PLXDC2: variants seen among roughly 807,000 people sequenced by gnomAD.
PLXDC2 encodes plexin domain containing 2.
A neutral mutation model predicts 68.9 loss-of-function variants in PLXDC2; 40 were observed. That is an observed-to-expected ratio of 0.58 (90% CI 0.45 to 0.76). The LOEUF (loss-of-function observed/expected upper bound fraction) is 0.76, where lower values mean the gene tolerates loss of function less well. Ranked by LOEUF, PLXDC2 falls within the 30% of genes least tolerant of loss-of-function variation. The pLI is 0.00. For synonymous variants in PLXDC2, 243 were observed against 234.2 expected (o/e 1.04, Z -0.34); for missense variants, 644 against 661.9 (o/e 0.97, Z 0.30).
intron 1 of PLXDC2, among the ~76,000 whole-genome samples, chr10:19,917,717 A>G (rs1463417634): frequency 7.9e-5 from 12 of 152,240 alleles, no homozygotes; most frequent in Non-Finnish European, 1.8e-4. Flanking sequence ...CCAAAAGTCC[A>G]TGATATGTGT....
chr10:20,203,900 T>G (rs901314784), intron 9 of PLXDC2, among the ~76,000 whole-genome samples: 7 of 152,178 alleles, frequency 4.6e-5, no homozygotes, highest in Admixed American at 3.9e-4. Context: ...CATTGGATTA[T>G]AATTTCAGCT....
chr10:20,231,293 G>T (rs1835360888), intron 12 of PLXDC2, among the ~76,000 whole-genome samples: 1 of 149,582 alleles, frequency 6.7e-6, no homozygotes, highest in Non-Finnish European at 1.5e-5. Context: ...ATAAATGTTT[G>T]ATATATATAA....
chr10:20,184,984 A>C (rs892037662), intron 9 of PLXDC2, among the ~76,000 whole-genome samples: 3 of 151,630 alleles, frequency 2.0e-5, no homozygotes, highest in Admixed American at 2.0e-4. Context: ...AACATCACAC[A>C]CTGGGACCCG....
chr10:20,288,737 A>G lies in PLXDC2; in HGVS notation c.*8918A>G, dbSNP rs1836191379. 1 of 152,182 alleles carries G rather than the reference A, an allele frequency of 6.6e-6. No individual in the cohort carries two copies. The highest frequency in any genetic ancestry group is 6.5e-5 in the Admixed American group (1 of 15,280). 9.4% of individuals were successfully genotyped at this position (152,182 alleles called of 1,614,324 possible). On this transcript the variant is annotated 3_prime_UTR_variant, in exon 14 of 14. Coordinates refer to ENST00000377252, the MANE Select transcript of PLXDC2 (RefSeq NM_032812.9). ...AGCTTCTTAAACCAAGTTTCTCTGC[A>G]GCTCTTTCGGTTCTGCTTACAGTGT...
chr10:19,843,433 ACG>A (rs1161188461), intron 1 of PLXDC2, among the ~76,000 whole-genome samples: 1 of 152,210 alleles, frequency 6.6e-6, no homozygotes, highest in African/African-American at 2.4e-5. Flanking sequence ...GACACCATCC[ACG>A]GGTACCACTG....
chr10:19,825,045 CT>C (rs1452741413), intron 1 of PLXDC2, among the ~76,000 whole-genome samples: 1 of 152,074 alleles, frequency 6.6e-6, no homozygotes, highest in African/African-American at 2.4e-5. Context: ...GTACCTTTAC[CT>C]TACCCTTCAA....
chr10:20,066,891 GTTA>G (rs1240348430), intron 3 of PLXDC2, among the ~76,000 whole-genome samples: 3 of 152,132 alleles, frequency 2.0e-5, no homozygotes, highest in Non-Finnish European at 4.4e-5. Flanking sequence ...GTAATAGCCT[GTTA>G]TTATAGGTAG....
intron 12 of PLXDC2, among the ~76,000 whole-genome samples, chr10:20,235,113 C>T (rs1480014186): frequency 6.6e-6 from 1 of 152,158 alleles, no homozygotes; most frequent in African/African-American, 2.4e-5. Flanking sequence ...GTCCAAGCTA[C>T]CGTTTGGGAC....
At chr10:19,823,128 G>T (rs1836504213) in intron 1 of PLXDC2, among the ~76,000 whole-genome samples, 1 of 151,964 alleles carries the variant, frequency 6.6e-6, no homozygotes, top group Non-Finnish European at 1.5e-5. Flanking sequence ...GTGTTAGCCA[G>T]GATGGTCTCG....
intron 1 of PLXDC2, among the ~76,000 whole-genome samples, chr10:19,902,609 G>A (rs1407524164): frequency 1.2e-4 from 18 of 152,018 alleles, no homozygotes; most frequent in African/African-American, 4.1e-4. Context: ...CTAGGTATAC[G>A]ATCATATCAC....
At chr10:20,141,656 T>C (rs962702726) in intron 4 of PLXDC2, among the ~76,000 whole-genome samples, 1 of 151,906 alleles carries the variant, frequency 6.6e-6, no homozygotes, top group Non-Finnish European at 1.5e-5. Context: ...GGAGAAAAAA[T>C]AGAGACCCTG....
intron 4 of PLXDC2, among the ~76,000 whole-genome samples, chr10:20,077,831 A>T (rs1158008034): frequency 6.6e-6 from 1 of 152,222 alleles, no homozygotes; most frequent in African/African-American, 2.4e-5. Flanking sequence ...CAAAATACAC[A>T]AAGCATAAAA....
chr10:19,913,604 C>A (rs368082231), intron 1 of PLXDC2, among the ~76,000 whole-genome samples: 1 of 151,970 alleles, frequency 6.6e-6, no homozygotes, highest in South Asian at 2.1e-4. Flanking sequence ...AAAATTAAGT[C>A]GAAATGTAGG....
chr10:19,904,835 A>G (rs1235750959), intron 1 of PLXDC2, among the ~76,000 whole-genome samples: 1 of 152,198 alleles, frequency 6.6e-6, no homozygotes, highest in Non-Finnish European at 1.5e-5. Context: ...TAGGAAAAAG[A>G]TTTTAATAAG....
intron 1 of PLXDC2, among the ~76,000 whole-genome samples, chr10:19,960,497 G>A (rs1834139173): frequency 6.6e-6 from 1 of 152,114 alleles, no homozygotes; most frequent in Admixed American, 6.5e-5. Context: ...TTGTGAGGAT[G>A]GGGCCTCTTG....
At chr10:20,266,696 G>A (rs1835876717) in intron 13 of PLXDC2, among the ~76,000 whole-genome samples, 1 of 152,070 alleles carries the variant, frequency 6.6e-6, no homozygotes, top group African/African-American at 2.4e-5. Flanking sequence ...AGAAATGACT[G>A]ATCAGTTCTC....
chr10:19,902,852 C>T (rs192752610), intron 1 of PLXDC2, among the ~76,000 whole-genome samples: 1 of 152,256 alleles, frequency 6.6e-6, no homozygotes, highest in Non-Finnish European at 1.5e-5. Context: ...AGGTATGTCC[C>T]TTCTATGCTG....
chr10:20,184,625 G>A (rs1834655180), intron 9 of PLXDC2, among the ~76,000 whole-genome samples: 1 of 151,844 alleles, frequency 6.6e-6, no homozygotes, highest in Non-Finnish European at 1.5e-5. Flanking sequence ...TTAGCTTACA[G>A]AAATTAAACT....
intron 1 of PLXDC2, among the ~76,000 whole-genome samples, chr10:19,972,358 C>A (rs1191463293): frequency 1.3e-5 from 2 of 152,100 alleles, no homozygotes; most frequent in African/African-American, 4.8e-5. Flanking sequence ...AAACCAAATA[C>A]CCCACGTTAT....
Sources: gnomAD v4.1 joint callset for allele counts (sites outside exome capture counted in the v4.1 genomes callset) on GRCh38, gnomAD v4.1.1 for gene constraint, MANE v1.5 for transcripts, NCBI Gene and HGNC (gene_info 2026-07-23, HGNC 2026-07-21) for gene names.